MTCL1: variants seen among roughly 807,000 people sequenced by gnomAD.
MTCL1 encodes microtubule crosslinking factor 1, also known as microtubule cross-linking factor 1.
A neutral mutation model predicts 141.4 loss-of-function variants in MTCL1; 79 were observed. The observed-to-expected ratio is 0.56, with a 90% CI of 0.47 to 0.67. MTCL1 has a LOEUF of 0.67. MTCL1 is among the 30% of genes least tolerant of loss of function. MTCL1 has a pLI of 0.00. For missense variants in MTCL1, 2,177 were observed against 2,113.9 expected, an observed-to-expected ratio of 1.03 and a Z score of -0.59; for synonymous variants, 914 against 875.8, an observed-to-expected ratio of 1.04 and a Z score of -0.77.
intron 10 of MTCL1, among the ~76,000 whole-genome samples, chr18:8,802,834 G>A (rs1188162048): frequency 1.3e-5 from 2 of 152,060 alleles, no homozygotes; most frequent in Admixed American, 6.5e-5. Context: ...TTTTTGAGTT[G>A]AAACTGACCT....
chr18:8,740,897 A>G (rs1243561227), intron 4 of MTCL1, among the ~76,000 whole-genome samples: 1 of 152,346 alleles, frequency 6.6e-6, no homozygotes, highest in East Asian at 1.9e-4. Context: ...CCAAGGCAGC[A>G]CCTGGGATGT....
rs183530946 is a variant in MTCL1 at position 8,808,808 on chromosome 18, G to A, written c.2604+1748G>A. Among the ~76,000 whole-genome samples, 199 of 152,312 alleles carry A rather than the reference G, an allele frequency of 1.3e-3. 2 individuals carry two copies. Among genetic ancestry groups the A allele is most frequent in the African/African-American group, 3.1e-3 (128 of 41,554 alleles). ...CAACAAATCAGATGTTCCTTGAAGG[G>A]GTTCTCAGTGCAGTGGGGGGACCTA... On this transcript the variant is annotated intron_variant, in intron 11 of 16. Coordinates refer to ENST00000359865, the Ensembl canonical transcript of MTCL1.
At chr18:8,831,934 A>G in exon 17 of MTCL1, 2 of 1,078,452 alleles carry the variant, frequency 1.9e-6, no homozygotes, top group Middle Eastern at 3.0e-4. Context: ...AAAAACACAA[A>G]GCTGCTGAAT....
At chr18:8,825,699 A>T (rs771375558) in exon 15 of MTCL1, 2 of 1,614,118 alleles carry the variant, frequency 1.2e-6, no homozygotes, top group South Asian at 1.1e-5. Context: ...CAAGCTGCAG[A>T]GGAAGCCCCT....
intron 11 of MTCL1, among the ~76,000 whole-genome samples, chr18:8,807,620 C>G (rs527257781): frequency 2.4e-4 from 37 of 152,326 alleles, no homozygotes; most frequent in Admixed American, 7.2e-4. Context: ...GAAGAGAGCC[C>G]GGGTTTCCTG....
At chr18:8,734,269 T>C (rs542622521) in intron 4 of MTCL1, among the ~76,000 whole-genome samples, 2 of 152,184 alleles carry the variant, frequency 1.3e-5, no homozygotes, top group East Asian at 1.9e-4. Context: ...GTTGAAGCTT[T>C]GGAGGGAAGA....
intron 7 of MTCL1, chr18:8,789,765 G>A (rs2075654625): frequency 1.1e-6 from 1 of 928,080 alleles, no homozygotes; most frequent in Non-Finnish European, 1.3e-6. Flanking sequence ...TCAAACCTTT[G>A]GGGATTGGGT....
rs543357327 is a variant in MTCL1 at position 8,777,720 on chromosome 18, G to T, written c.358-113G>T. ...ACACAAGTTGTTTCTTGATTCTGGTGGGAAACAGCCTCCGTTCAGTGTGTG... is the reference window on the plus strand; with the variant it reads ...ACACAAGTTGTTTCTTGATTCTGGTTGGAAACAGCCTCCGTTCAGTGTGTG... On this transcript the variant is annotated intron_variant, in intron 4 of 16. Coordinates refer to ENST00000359865, the Ensembl canonical transcript of MTCL1. 2.1e-4 allele frequency: 173 copies of T among 840,882 alleles called. 1 individual carries two copies. The highest frequency in any genetic ancestry group is 1.6e-3 in the African/African-American group (95 of 58,494). The allele number at this position is 840,882 out of a possible 1,614,324, so 52.1% of individuals were successfully genotyped here. A position where few individuals can be genotyped will look rare whatever the true frequency, so the allele number is the denominator to read the frequency against.
chr18:8,818,187 A>G (rs567702103), intron 12 of MTCL1, among the ~76,000 whole-genome samples: 1 of 152,342 alleles, frequency 6.6e-6, no homozygotes, highest in East Asian at 1.9e-4. Context: ...AACTGAGCTC[A>G]GGAGAGTCGG....
intron 7 of MTCL1, chr18:8,787,445 GC>G: frequency 6.5e-6 from 1 of 153,242 alleles, no homozygotes; most frequent in Non-Finnish European, 1.5e-5. Context: ...GCCAGCTGCA[GC>G]CCCCGCTCCC....
intron 8 of MTCL1, among the ~76,000 whole-genome samples, chr18:8,794,192 A>G (rs904778957): frequency 1.3e-5 from 2 of 152,260 alleles, no homozygotes; most frequent in Non-Finnish European, 2.9e-5. Context: ...GCATGGCACC[A>G]AAAATTGTTT....
intron 4 of MTCL1, among the ~76,000 whole-genome samples, chr18:8,726,758 G>A (rs1175098735): frequency 1.3e-5 from 2 of 152,124 alleles, no homozygotes; most frequent in Non-Finnish European, 2.9e-5. Flanking sequence ...GAGAGAGATG[G>A]TGGTGGTTTG....
intron 3 of MTCL1, among the ~76,000 whole-genome samples, chr18:8,719,787 C>G (rs1292425738): frequency 6.6e-6 from 1 of 152,150 alleles, no homozygotes; most frequent in Non-Finnish European, 1.5e-5. Flanking sequence ...CCAGGCTGGT[C>G]TCAAACTCCT....
intron 10 of MTCL1, among the ~76,000 whole-genome samples, chr18:8,800,936 A>G (rs2076100459): frequency 6.6e-6 from 1 of 152,090 alleles, no homozygotes; most frequent in Non-Finnish European, 1.5e-5. Flanking sequence ...AGTGTGAAGA[A>G]CTTAATATAA....
exon 13 of MTCL1, chr18:8,818,984 C>G (rs781432422): frequency 1.5e-5 from 24 of 1,613,772 alleles, no homozygotes; most frequent in Non-Finnish European, 2.0e-5. Flanking sequence ...GAACAGTCCC[C>G]GGAGAGGTGG....
At chr18:8,742,268 A>T (rs1439242194) in intron 4 of MTCL1, among the ~76,000 whole-genome samples, 1 of 152,124 alleles carries the variant, frequency 6.6e-6, no homozygotes, top group Non-Finnish European at 1.5e-5. Flanking sequence ...GACTGCTTTT[A>T]TCTGTTCCCT....
chr18:8,808,186 C>T (rs937807420), intron 11 of MTCL1, among the ~76,000 whole-genome samples: 11 of 152,156 alleles, frequency 7.2e-5, no homozygotes, highest in Admixed American at 2.0e-4. Flanking sequence ...GCCTGCTGCC[C>T]GCGGGGGATT....
intron 4 of MTCL1, among the ~76,000 whole-genome samples, chr18:8,725,372 T>C (rs906794897): frequency 2.6e-5 from 4 of 152,226 alleles, no homozygotes; most frequent in Non-Finnish European, 5.9e-5. Context: ...ATGATTCCTG[T>C]GTGCTTGAGA....
chr18:8,830,923 G>T lies in MTCL1; in HGVS notation c.*19-684G>T. ...TGCATCACCTGCTCGCAGAACATTA[G>T]GATGCCTGAAACACAAAACCACCAG... On this transcript the variant is annotated intron_variant, in intron 16 of 16. Transcript: ENST00000359865. The surrounding 1 kb of genome is among the most constrained non-coding windows in gnomAD (Gnocchi z 6.4). 2 of 985,514 alleles carry T rather than the reference G, an allele frequency of 2.0e-6. No homozygotes were observed. Among genetic ancestry groups the T allele is most frequent in the Non-Finnish European group, 2.4e-6 (2 of 830,032 alleles). 61.0% of individuals were successfully genotyped at this position (985,514 alleles called of 1,614,324 possible). A position where few individuals can be genotyped will look rare whatever the true frequency, so the allele number is the denominator to read the frequency against.
Sources: allele counts gnomAD v4.1 joint callset (sites outside exome capture counted in the v4.1 genomes callset), GRCh38; gene constraint gnomAD v4.1.1; non-coding constraint Gnocchi (gnomAD v3.1); transcripts MANE v1.5; gene names NCBI Gene and HGNC (gene_info 2026-07-23, HGNC 2026-07-21).